The following RB1 variants were observed in gnomAD, a reference collection of about 807,000 sequenced individuals.
RB1 encodes retinoblastoma-associated protein.
RB1 carries 18 observed loss-of-function variants against 135.4 expected under a neutral mutation model. That is an observed-to-expected ratio of 0.13 (90% CI 0.09 to 0.20). The LOEUF (loss-of-function observed/expected upper bound fraction) is 0.20. Among genes scored for constraint, RB1 ranks in the 10% least tolerant of loss-of-function variants. The pLI is 1.00. For synonymous variants in RB1, 365 were observed against 373.2 expected, an observed-to-expected ratio of 0.98 and a Z score of 0.25; for missense variants, 868 against 1,110.0, an observed-to-expected ratio of 0.78 and a Z score of 3.10.
intron 17 of RB1, chr13:48,412,669 G>GA: frequency 1.9e-6 from 1 of 537,196 alleles, no homozygotes; most frequent in Non-Finnish European, 3.4e-6. Context: ...GAAAATCCAT[G>GA]AATTCCAAGG....
At chr13:48,364,519 T>C (rs571378966) in intron 8 of RB1, among the ~76,000 whole-genome samples, 3 of 152,340 alleles carry the variant, frequency 2.0e-5, no homozygotes, top group African/African-American at 7.2e-5. Flanking sequence ...ACAAAATATA[T>C]GTGAATTCAA....
intron 20 of RB1, among the ~76,000 whole-genome samples, chr13:48,461,200 A>C (rs895335845): frequency 6.6e-6 from 1 of 151,858 alleles, no homozygotes; most frequent in African/African-American, 2.4e-5. Flanking sequence ...AGGCAATACT[A>C]ATCTATTTTC....
chr13:48,438,925 G>A (rs1008129885), intron 17 of RB1, among the ~76,000 whole-genome samples: 1 of 150,918 alleles, frequency 6.6e-6, no homozygotes, highest in Non-Finnish European at 1.5e-5. Context: ...GTACTACTAT[G>A]AATGTGCTAT....
intron 11 of RB1, 51 bp from the exon 12 acceptor site, chr13:48,373,354 T>C (rs754926422): frequency 8.7e-6 from 10 of 1,143,872 alleles, no homozygotes; most frequent in African/African-American, 1.5e-5. Flanking sequence ...CATTTTTTCT[T>C]TTTTTCTCCC....
At chr13:48,311,084 C>G (rs1952126140) in intron 2 of RB1, among the ~76,000 whole-genome samples, 1 of 152,072 alleles carries the variant, frequency 6.6e-6, no homozygotes, top group Admixed American at 6.5e-5. Flanking sequence ...AGGCAGGAAA[C>G]TTTGGTTGTA....
At chr13:48,309,539 G>C (rs564062180) in intron 2 of RB1, among the ~76,000 whole-genome samples, 2 of 152,232 alleles carry the variant, frequency 1.3e-5, no homozygotes, top group South Asian at 4.1e-4. Context: ...TATTTTAACT[G>C]ACTTGGGTAC....
At chr13:48,310,094 G>T (rs1358924383) in intron 2 of RB1, among the ~76,000 whole-genome samples, 1 of 152,138 alleles carries the variant, frequency 6.6e-6, no homozygotes, top group Non-Finnish European at 1.5e-5. Flanking sequence ...ATGTCCTGTT[G>T]TCCTGTTGTA....
intron 2 of RB1, chr13:48,341,174 T>G (rs550105915): frequency 6.6e-6 from 1 of 152,218 alleles, no homozygotes; most frequent in Admixed American, 6.5e-5. Context: ...TGAAAGGAAT[T>G]ATTCAATGCA....
chr13:48,370,526 G>T (rs901644461), intron 11 of RB1, among the ~76,000 whole-genome samples: 1 of 152,152 alleles, frequency 6.6e-6, no homozygotes, highest in Non-Finnish European at 1.5e-5. Context: ...TAATTTGCTA[G>T]AGTAGTTCAC....
chr13:48,317,192 G>T, intron 2 of RB1: 1 of 526,530 alleles, frequency 1.9e-6, no homozygotes. Context: ...GCCCCATGTC[G>T]GGCTGAAGAG....
At chr13:48,372,848 T>C (rs1952775514) in intron 11 of RB1, among the ~76,000 whole-genome samples, 1 of 152,164 alleles carries the variant, frequency 6.6e-6, no homozygotes, top group African/African-American at 2.4e-5. Context: ...ATATTTACCA[T>C]ATACTGCCCC....
At chr13:48,339,930 C>T (rs995921307) in intron 2 of RB1, among the ~76,000 whole-genome samples, 9 of 152,090 alleles carry the variant, frequency 5.9e-5, no homozygotes, top group East Asian at 3.9e-4. Context: ...ATAATGAAGA[C>T]GTTATGATAT....
chr13:48,461,563 T>C (rs1281515229), intron 20 of RB1, among the ~76,000 whole-genome samples: 1 of 152,212 alleles, frequency 6.6e-6, no homozygotes, highest in Admixed American at 6.5e-5. Context: ...TTTTGAGGAA[T>C]GCCCAGATCA....
intron 4 of RB1, 150 bp downstream of exon 4, chr13:48,345,349 C>A: frequency 2.1e-6 from 2 of 934,670 alleles, no homozygotes; most frequent in Non-Finnish European, 3.2e-6. Context: ...TAATTCTTAG[C>A]TTTCTTATTT....
In RB1 at chr13:48,412,896, A is replaced by G. The variant is rs2227311; in HGVS notation, c.1695+31453A>G. 19,793 of 176,732 alleles carry G rather than the reference A, an allele frequency of 0.11. 1,231 individuals carry two copies. The highest frequency in any genetic ancestry group is 0.17 in the Admixed American group (2,744 of 16,504). The allele number at this position is 176,732 out of a possible 1,614,324, so 10.9% of individuals were successfully genotyped here. On this transcript the variant is annotated intron_variant, in intron 17 of 26. Coordinates refer to ENST00000267163, the MANE Select transcript of RB1 (RefSeq NM_000321.3). ...ATCAATCTTATTTTCTTTTCAGTGCAGAGTTTCAGAGACTTAAACATTCCC... is the reference window on the plus strand; with the variant it reads ...ATCAATCTTATTTTCTTTTCAGTGCGGAGTTTCAGAGACTTAAACATTCCC...
At chr13:48,458,395 A>G (rs1949375415) in intron 19 of RB1, among the ~76,000 whole-genome samples, 1 of 152,308 alleles carries the variant, frequency 6.6e-6, no homozygotes, top group South Asian at 2.1e-4. Flanking sequence ...GTAAAAGGTC[A>G]TGTTCCTCCA....
At position 48,319,364 on chromosome 13, in the gene RB1, G is replaced by T; in HGVS notation, c.264+11958G>T. 1 of 476,960 alleles carries T rather than the reference G, an allele frequency of 2.1e-6. No homozygotes were observed. The highest frequency in any genetic ancestry group is 3.9e-6 in the Non-Finnish European group (1 of 258,430). The allele number at this position is 476,960 out of a possible 1,614,324, so 29.5% of individuals were successfully genotyped here. A position where few individuals can be genotyped will look rare whatever the true frequency, so the allele number is the denominator to read the frequency against. On this transcript the variant is annotated intron_variant, in intron 2 of 26. Transcript: ENST00000267163. This position sits in a 1 kb window ranked among gnomAD's most constrained non-coding sequence, Gnocchi z 5.0. ...CCTCCTTGCGTGTTTGCCGCAGCTA[G>T]TACACCTGGATGGCCTCCTCAGTGC...
chr13:48,361,568 C>G (rs1952640032), intron 7 of RB1, among the ~76,000 whole-genome samples: 1 of 152,074 alleles, frequency 6.6e-6, no homozygotes, highest in African/African-American at 2.4e-5. Context: ...TTACAGTGCT[C>G]TTTGTTATCA....
In RB1 at chr13:48,481,859, T is replaced by C. The variant is rs1178403926; in HGVS notation, c.*1788T>C. 1 of 217,820 alleles carries C rather than the reference T, an allele frequency of 4.6e-6. No individual in the cohort carries two copies. Among genetic ancestry groups the C allele is most frequent in the Non-Finnish European group, 9.2e-6 (1 of 108,614 alleles). The allele number at this position is 217,820 out of a possible 1,614,324, so 13.5% of individuals were successfully genotyped here. A position where few individuals can be genotyped will look rare whatever the true frequency, so the allele number is the denominator to read the frequency against. On this transcript the variant is annotated 3_prime_UTR_variant, in exon 27 of 27. Coordinates refer to ENST00000267163, the MANE Select transcript of RB1 (RefSeq NM_000321.3). Reference sequence around the variant, plus strand: ...TTTTCTACAATTAATAGTTTGTCTATTTTAAAATAAATTAGTTGTTAAGAG... The same window carrying C: ...TTTTCTACAATTAATAGTTTGTCTACTTTAAAATAAATTAGTTGTTAAGAG...
Sources: gnomAD v4.1 joint callset for allele counts (sites outside exome capture counted in the v4.1 genomes callset) on GRCh38, gnomAD v4.1.1 for gene constraint, Gnocchi (gnomAD v3.1) non-coding constraint, MANE v1.5 for transcripts, NCBI Gene and HGNC (gene_info 2026-07-23, HGNC 2026-07-21) for gene names.